MRPL13: variants seen among roughly 807,000 people sequenced by gnomAD.
MRPL13 encodes the protein large ribosomal subunit protein uL13m.
Under a neutral mutation model 29.0 loss-of-function variants are expected in MRPL13, and 33 were observed. The observed-to-expected ratio is 1.14, with a 90% confidence interval of 0.86 to 1.52. The LOEUF is 1.52. Among genes scored for constraint, MRPL13 ranks in the 40% most tolerant of loss-of-function variants. The probability of loss-of-function intolerance (pLI) is 0.00; values close to 1 mark genes in which losing one functional copy is unlikely to be tolerated. For synonymous variants in MRPL13, 77 were observed against 68.4 expected (o/e 1.13, Z -0.62); for missense variants, 227 against 216.7 (o/e 1.05, Z -0.30).
intron 5 of MRPL13, chr8:120,415,902 G>C (rs1586921465): frequency 2.6e-5 from 4 of 152,236 alleles, no homozygotes; most frequent in African/African-American, 7.2e-5. Context: ...AAATTCCCTA[G>C]ATCAGTTGTA....
chr8:120,418,057 C>T (rs1257440084), intron 5 of MRPL13, among the ~76,000 whole-genome samples: 1 of 152,090 alleles, frequency 6.6e-6, no homozygotes, highest in Non-Finnish European at 1.5e-5. Flanking sequence ...ACTTTCTCTT[C>T]CCGTGCTTTA....
At chr8:120,427,701 T>G (rs2130475312) in intron 3 of MRPL13, among the ~76,000 whole-genome samples, 1 of 152,242 alleles carries the variant, frequency 6.6e-6, no homozygotes, top group South Asian at 2.1e-4. Context: ...TGATGGCTCA[T>G]GCCTGTAATC....
chr8:120,431,078 A>C (rs547846251), intron 3 of MRPL13, among the ~76,000 whole-genome samples: 21 of 152,308 alleles, frequency 1.4e-4, no homozygotes, highest in Non-Finnish European at 2.5e-4. Flanking sequence ...TCATGAATGT[A>C]TTTTAAGGGG....
At chr8:120,444,947 C>A in intron 1 of MRPL13, 121 bp downstream of exon 1, 1 of 1,328,912 alleles carries the variant, frequency 7.5e-7, no homozygotes, top group Non-Finnish European at 1.1e-6. Context: ...TCCCAAGTCA[C>A]CTCTTGGCCG....
intron 6 of MRPL13, among the ~76,000 whole-genome samples, chr8:120,405,099 T>TC (rs1023223781): frequency 6.6e-6 from 1 of 152,170 alleles, no homozygotes; most frequent in African/African-American, 2.4e-5. Context: ...AAAAGCAGTA[T>TC]CATGGCCAAA....
At chr8:120,440,084 G>A (rs552971615) in intron 2 of MRPL13, among the ~76,000 whole-genome samples, 1 of 152,176 alleles carries the variant, frequency 6.6e-6, no homozygotes, top group Non-Finnish European at 1.5e-5. Flanking sequence ...TTGGAACTTA[G>A]TCTAGTGAAA....
intron 6 of MRPL13, among the ~76,000 whole-genome samples, chr8:120,406,097 T>C (rs1448866908): frequency 6.6e-6 from 1 of 152,172 alleles, no homozygotes; most frequent in Non-Finnish European, 1.5e-5. Flanking sequence ...TCTAAAATAA[T>C]CACAGGAAAT....
At chr8:120,410,103 CTT>C (rs1460667050) in intron 6 of MRPL13, among the ~76,000 whole-genome samples, 2 of 152,142 alleles carry the variant, frequency 1.3e-5, no homozygotes, top group Non-Finnish European at 2.9e-5. Context: ...AGTTAATAAA[CTT>C]ATATTTAACC....
At chr8:120,426,619 G>A (rs189745936) in intron 3 of MRPL13, among the ~76,000 whole-genome samples, 1 of 152,108 alleles carries the variant, frequency 6.6e-6, no homozygotes, top group African/African-American at 2.4e-5. Flanking sequence ...TTATTCTGAC[G>A]TATTTGGAAA....
intron 6 of MRPL13, among the ~76,000 whole-genome samples, chr8:120,410,617 C>A (rs945381030): frequency 1.3e-5 from 2 of 152,126 alleles, no homozygotes; most frequent in Admixed American, 6.5e-5. Context: ...TTCACTAACA[C>A]GTAATTTTAT....
At chr8:120,403,526 G>T (rs927212327) in intron 6 of MRPL13, among the ~76,000 whole-genome samples, 21 of 152,120 alleles carry the variant, frequency 1.4e-4, no homozygotes, top group Non-Finnish European at 1.0e-4. Flanking sequence ...AGGAAGAATA[G>T]CGAATGGATG....
chr8:120,444,842 AG>A, intron 1 of MRPL13: 1 of 384,082 alleles, frequency 2.6e-6, no homozygotes. Flanking sequence ...CGCCCCCCCA[AG>A]AAAGACATGA....
In MRPL13 at chr8:120,415,580, A is replaced by T. The variant is rs1812794164; in HGVS notation, c.394-1468T>A. The T allele has an allele frequency of 2.6e-5, 4 of 152,288 alleles. No individual in the cohort carries two copies. In the South Asian group the frequency reaches 8.3e-4, roughly 32 times the overall value. 9.4% of individuals were successfully genotyped at this position (152,288 alleles called of 1,614,324 possible). A position where few individuals can be genotyped will look rare whatever the true frequency, so the allele number is the denominator to read the frequency against. ...TATTTATAATATTTTAGGCAATTTAAATGAATTTTAAAAATTGTGGTTTGG... is the reference window on the plus strand; with the variant it reads ...TATTTATAATATTTTAGGCAATTTATATGAATTTTAAAAATTGTGGTTTGG... On this transcript the variant is annotated intron_variant, in intron 5 of 6. Transcript: ENST00000306185.
chr8:120,401,158 A>C (rs918620015), intron 6 of MRPL13, among the ~76,000 whole-genome samples: 3 of 152,196 alleles, frequency 2.0e-5, no homozygotes, highest in Non-Finnish European at 4.4e-5. Flanking sequence ...TTATGAGGCC[A>C]GCATAATCCT....
intron 4 of MRPL13, 83 bp from the exon 5 acceptor site, chr8:120,420,021 A>G: frequency 1.1e-6 from 1 of 887,502 alleles, no homozygotes; most frequent in Non-Finnish European, 1.6e-6. Context: ...TGATGATGAA[A>G]ATGAGGGGTT....
At position 120,407,364 on chromosome 8, in the gene MRPL13, A is replaced by T. The variant is rs370454460; in HGVS notation, c.515+6627T>A. On this transcript the variant is annotated intron_variant, in intron 6 of 6. Coordinates refer to ENST00000306185, the MANE Select transcript of MRPL13 (RefSeq NM_014078.6). ...CACATGGTTTATGCTACATTAAGAT[A>T]AGTGACACTTAACATTATTGGTCCT... Among the ~76,000 whole-genome samples the T allele has an allele frequency of 7.9e-4, 121 of 152,298 alleles. 1 individual carries two copies. Among genetic ancestry groups the T allele is most frequent in the African/African-American group, 2.7e-3 (114 of 41,562 alleles).
At chr8:120,404,005 T>A (rs944673922) in intron 6 of MRPL13, among the ~76,000 whole-genome samples, 26 of 152,170 alleles carry the variant, frequency 1.7e-4, no homozygotes, top group African/African-American at 7.2e-5. Context: ...GAAATCTCTA[T>A]CCAAACATAA....
At chr8:120,421,018 G>C (rs1812866676) in intron 4 of MRPL13, among the ~76,000 whole-genome samples, 2 of 151,700 alleles carry the variant, frequency 1.3e-5, no homozygotes, top group African/African-American at 4.9e-5. Flanking sequence ...GAAACAACAT[G>C]TACATGCAAA....
At position 120,396,132 on chromosome 8, in the gene MRPL13, G is replaced by GA. The variant is rs200830189; in HGVS notation, c.516-8dup. 1.4e-3 allele frequency: 2,184 copies of GA among 1,572,128 alleles called. 32 individuals carry two copies. The African/African-American group carries it at 0.026, about 19-fold the overall frequency. ...TAGCCGATAATCTTCAGGTCTGAAAGAAAAAATCAACATATTTCTTCATGA... is the reference window on the plus strand; with the variant it reads ...TAGCCGATAATCTTCAGGTCTGAAAGAAAAAAATCAACATATTTCTTCATGA... On this transcript the variant is annotated splice_polypyrimidine_tract_variant and splice_region_variant and intron_variant, in intron 6 of 6. Coordinates refer to ENST00000306185, the MANE Select transcript of MRPL13 (RefSeq NM_014078.6).
Sources: allele counts gnomAD v4.1 joint callset (sites outside exome capture counted in the v4.1 genomes callset), GRCh38; gene constraint gnomAD v4.1.1; transcripts MANE v1.5; gene names NCBI Gene and HGNC (gene_info 2026-07-23, HGNC 2026-07-21).